The following KAZN variants were observed in gnomAD, a reference collection of about 807,000 sequenced individuals.
KAZN encodes the protein kazrin, periplakin interacting protein.
KAZN carries 40 observed loss-of-function variants against 87.4 expected under a neutral mutation model. The ratio of observed to expected loss-of-function variants is 0.46; its 90% CI spans 0.36 to 0.60. The LOEUF is 0.60. KAZN is among the 20% of genes least tolerant of loss of function. The pLI is 0.00. For missense variants in KAZN, 898 were observed against 1,073.9 expected, an observed-to-expected ratio of 0.84 and a Z score of 2.29; for synonymous variants, 466 against 458.3, an observed-to-expected ratio of 1.02 and a Z score of -0.22.
chr1:14,647,895 G>T (rs955253748), intron 1 of KAZN, among the ~76,000 whole-genome samples: 3 of 152,186 alleles, frequency 2.0e-5, no homozygotes, highest in Non-Finnish European at 4.4e-5. Context: ...TTAACAGAAA[G>T]GGTGGTGTGA....
chr1:14,891,606 A>T (rs945986482), intron 1 of KAZN, among the ~76,000 whole-genome samples: 1 of 152,214 alleles, frequency 6.6e-6, no homozygotes, highest in South Asian at 2.1e-4. Context: ...GTATTTATTT[A>T]CATGGGAAAA....
intron 2 of KAZN, among the ~76,000 whole-genome samples, chr1:14,226,212 A>G (rs527667491): frequency 7.2e-5 from 11 of 152,344 alleles, no homozygotes; most frequent in Non-Finnish European, 1.6e-4. Flanking sequence ...ATTAACAAGC[A>G]AAACCCAAAC....
At chr1:14,172,488 A>C (rs1485226770) in intron 1 of KAZN, among the ~76,000 whole-genome samples, 1 of 152,254 alleles carries the variant, frequency 6.6e-6, no homozygotes, top group African/African-American at 2.4e-5. Flanking sequence ...TAACCAAAAA[A>C]ATATACTATT....
intron 2 of KAZN, among the ~76,000 whole-genome samples, chr1:14,228,555 C>T (rs1237218722): frequency 6.6e-6 from 1 of 152,156 alleles, no homozygotes; most frequent in Non-Finnish European, 1.5e-5. Context: ...TGATTAGCAT[C>T]TCTGGCACAA....
At chr1:14,313,910 A>C (rs760752885) in intron 2 of KAZN, among the ~76,000 whole-genome samples, 5 of 152,160 alleles carry the variant, frequency 3.3e-5, no homozygotes, top group Non-Finnish European at 7.4e-5. Flanking sequence ...AGGAAAAAAA[A>C]TGATGGCTTA....
At chr1:14,937,821 C>G (rs1660627404) in intron 1 of KAZN, among the ~76,000 whole-genome samples, 1 of 152,248 alleles carries the variant, frequency 6.6e-6, no homozygotes, top group Non-Finnish European at 1.5e-5. Context: ...GGCCATCTCC[C>G]TGAAAGGCGC....
chr1:14,750,930 T>C (rs548164895), intron 1 of KAZN, among the ~76,000 whole-genome samples: 1 of 152,272 alleles, frequency 6.6e-6, no homozygotes, highest in East Asian at 1.9e-4. Flanking sequence ...GATGTTCCAT[T>C]TGTGCTCCCA....
chr1:14,391,826 A>G (rs3949801), intron 2 of KAZN, among the ~76,000 whole-genome samples: 2 of 152,084 alleles, frequency 1.3e-5, no homozygotes, highest in African/African-American at 4.8e-5. Context: ...TTCCCTTTTT[A>G]AAAAAATTTT....
At chr1:14,217,565 T>C (rs1646985980) in intron 2 of KAZN, among the ~76,000 whole-genome samples, 1 of 151,936 alleles carries the variant, frequency 6.6e-6, no homozygotes, top group East Asian at 1.9e-4. Context: ...TAGAAGGCAG[T>C]CAAAGGAGAT....
intron 2 of KAZN, among the ~76,000 whole-genome samples, chr1:14,420,827 A>G (rs1212326633): frequency 1.3e-5 from 2 of 149,650 alleles, no homozygotes; most frequent in African/African-American, 2.5e-5. Context: ...CATCCCACCC[A>G]GAACTCAAGC....
chr1:14,105,166 GAGA>G (rs1175512046), intron 1 of KAZN, among the ~76,000 whole-genome samples: 1 of 152,218 alleles, frequency 6.6e-6, no homozygotes, highest in South Asian at 2.1e-4. Context: ...CCCAGCAAGA[GAGA>G]AGGACATAAT....
intron 1 of KAZN, among the ~76,000 whole-genome samples, chr1:13,984,175 T>C (rs1282819125): frequency 6.6e-6 from 1 of 152,124 alleles, no homozygotes; most frequent in African/African-American, 2.4e-5. Context: ...CATGCCCGGC[T>C]AATTTTTTGT....
chr1:14,991,231 G>A (rs771277953), intron 2 of KAZN, among the ~76,000 whole-genome samples: 51 of 152,022 alleles, frequency 3.4e-4, no homozygotes, highest in Admixed American at 6.6e-5. Flanking sequence ...GTGGGCGCCT[G>A]TAATCCCAGA....
Position 15,116,903 on chromosome 1 carries a change from C to CAG in KAZN, c.*2269_*2270dup, listed in dbSNP as rs1426275218. The stretch of plus-strand genomic sequence containing the variant: ...GCCCAAAATGTTCACAGCAGGAGGC[C>CAG]AGCAGGCCTGAGGCAACACGGGCAA... On this transcript the variant is annotated 3_prime_UTR_variant, in exon 15 of 15. Coordinates refer to ENST00000376030, the MANE Select transcript of KAZN (RefSeq NM_201628.3). 1.3e-5 allele frequency: 2 copies of CAG among 151,834 alleles called. No individual in the cohort carries two copies. Among genetic ancestry groups the CAG allele is most frequent in the African/African-American group, 4.9e-5 (2 of 41,078 alleles). 9.4% of individuals were successfully genotyped at this position (151,834 alleles called of 1,614,324 possible).
intron 1 of KAZN, among the ~76,000 whole-genome samples, chr1:14,086,568 T>C (rs1184170954): frequency 6.6e-6 from 1 of 152,246 alleles, no homozygotes; most frequent in African/African-American, 2.4e-5. Context: ...ATATTTCACA[T>C]TTACTCTAAA....
chr1:14,829,758 G>T (rs900405737), intron 1 of KAZN, among the ~76,000 whole-genome samples: 2 of 152,216 alleles, frequency 1.3e-5, no homozygotes, highest in South Asian at 2.1e-4. Context: ...GAGATCAGAG[G>T]AGGCTAGTGT....
intron 1 of KAZN, among the ~76,000 whole-genome samples, chr1:14,117,206 G>T (rs1424782585): frequency 6.6e-6 from 1 of 152,166 alleles, no homozygotes; most frequent in African/African-American, 2.4e-5. Flanking sequence ...GGCCGAGGTG[G>T]AATGATATGG....
intron 1 of KAZN, among the ~76,000 whole-genome samples, chr1:14,096,160 T>C (rs980515384): frequency 6.6e-6 from 1 of 152,224 alleles, no homozygotes; most frequent in Non-Finnish European, 1.5e-5. Context: ...GTGTTATTTT[T>C]ATAATAATTA....
At chr1:14,418,939 G>C (rs10927430) in intron 2 of KAZN, among the ~76,000 whole-genome samples, 1 of 152,124 alleles carries the variant, frequency 6.6e-6, no homozygotes, top group African/African-American at 2.4e-5. Context: ...GGACCACCTC[G>C]GCACCCAGAA....
Sources: gnomAD v4.1 joint callset for allele counts (sites outside exome capture counted in the v4.1 genomes callset) on GRCh38, gnomAD v4.1.1 for gene constraint, MANE v1.5 for transcripts, NCBI Gene and HGNC (gene_info 2026-07-23, HGNC 2026-07-21) for gene names.